NID1: variants seen among roughly 807,000 people sequenced by gnomAD.
The protein encoded by NID1 is nidogen-1.
Under a neutral mutation model 130.6 loss-of-function variants are expected in NID1, and 76 were observed. The ratio of observed to expected loss-of-function variants is 0.58; its 90% CI spans 0.48 to 0.70. NID1 has a LOEUF of 0.70. Among genes scored for constraint, NID1 ranks in the 30% least tolerant of loss-of-function variants. The pLI is 0.00. For missense variants in NID1, 1,517 were observed against 1,664.8 expected (o/e 0.91, Z 1.54); for synonymous variants, 665 against 675.1 (o/e 0.98, Z 0.23).
intron 13 of NID1, among the ~76,000 whole-genome samples, chr1:235,992,249 T>C (rs918798046): frequency 3.9e-5 from 6 of 152,300 alleles, no homozygotes; most frequent in African/African-American, 1.4e-4. Flanking sequence ...TCTTGCCTAT[T>C]ACACCCAATC....
intron 15 of NID1, among the ~76,000 whole-genome samples, chr1:235,982,436 T>G (rs970667714): frequency 6.6e-6 from 1 of 152,150 alleles, no homozygotes; most frequent in African/African-American, 2.4e-5. Context: ...AGTTCTATCT[T>G]GTTCATTAGC....
chr1:236,029,693 A>G lies in NID1; in HGVS notation c.1595T>C (p.Val532Ala), dbSNP rs762462787. Reference protein sequence around the residue: ...VTFVGHPGNLVIKQRFSGIDE... With the variant: ...VTFVGHPGNLAIKQRFSGIDE... Reference sequence around the variant, plus strand: ...GATGCCGCTGAACCGCTGCTTAATGACCAGATTGCCCGGGTGCCCCACGAA... The same window carrying G: ...GATGCCGCTGAACCGCTGCTTAATGGCCAGATTGCCCGGGTGCCCCACGAA... The change falls in exon 7 of 20, where the codon GTC becomes GCC. Residue 532 changes from valine (V) to alanine (A), a missense_variant. Coordinates refer to ENST00000264187, the MANE Select transcript of NID1 (RefSeq NM_002508.3). The G allele has an allele frequency of 1.2e-6, 2 of 1,614,076 alleles. No individual in the cohort carries two copies. The highest frequency in any genetic ancestry group is 2.2e-5 in the South Asian group (2 of 91,074).
At chr1:236,026,739 ATTTTTT>A (rs768617564) in intron 7 of NID1, among the ~76,000 whole-genome samples, 1 of 137,200 alleles carries the variant, frequency 7.3e-6, no homozygotes, top group African/African-American at 2.7e-5. Context: ...TTTCTTTTTC[ATTTTTT>A]TTTTTTTTTT....
chr1:236,000,565 T>C (rs1658048440), intron 12 of NID1, among the ~76,000 whole-genome samples: 1 of 152,098 alleles, frequency 6.6e-6, no homozygotes, highest in Non-Finnish European at 1.5e-5. Context: ...CTCCCTAAGA[T>C]CTATAAAACC....
intron 11 of NID1, 88 bp downstream of exon 11, chr1:236,013,323 G>A (rs1658486618): frequency 7.2e-7 from 1 of 1,392,052 alleles, no homozygotes; most frequent in Non-Finnish European, 1.0e-6. Flanking sequence ...CTTCTATTTG[G>A]GAGTGAGTTG....
chr1:236,003,726 C>T (rs1658154163), intron 12 of NID1, among the ~76,000 whole-genome samples: 1 of 152,142 alleles, frequency 6.6e-6, no homozygotes. Flanking sequence ...AAAAATTAGC[C>T]TGGCTTGATG....
At chr1:236,023,512 A>G (rs1425298193) in intron 9 of NID1, among the ~76,000 whole-genome samples, 1 of 152,230 alleles carries the variant, frequency 6.6e-6, no homozygotes, top group Non-Finnish European at 1.5e-5. Context: ...TGCAAGATGG[A>G]GAGTTCTGGA....
Position 235,990,779 on chromosome 1 carries a change from C to G in NID1, c.2928+107G>C, listed in dbSNP as rs1348453948. The G allele has an allele frequency of 2.4e-6, 3 of 1,247,332 alleles. No individual in the cohort carries two copies. In the African/African-American group the frequency reaches 4.5e-5, roughly 19 times the overall value. 77.3% of individuals were successfully genotyped at this position (1,247,332 alleles called of 1,614,324 possible). ...CCCAGGACTACATGGAATGAGCACC[C>G]ATGGTTCCAGGGGTTGAGCCTGGGG... On this transcript the variant is annotated intron_variant, in intron 14 of 19. Coordinates refer to ENST00000264187, the MANE Select transcript of NID1 (RefSeq NM_002508.3).
intron 12 of NID1, among the ~76,000 whole-genome samples, chr1:236,000,770 G>T (rs562617519): frequency 6.6e-6 from 1 of 152,312 alleles, no homozygotes; most frequent in East Asian, 1.9e-4. Flanking sequence ...TCCCTTGCTT[G>T]ATTAAATTGG....
intron 1 of NID1, among the ~76,000 whole-genome samples, chr1:236,056,693 T>C (rs1659907870): frequency 6.6e-6 from 1 of 152,148 alleles, no homozygotes; most frequent in African/African-American, 2.4e-5. Context: ...CCACCCTTCA[T>C]GGTCTTTGAA....
intron 16 of NID1, among the ~76,000 whole-genome samples, 178 bp from the exon 17 acceptor site, chr1:235,980,831 G>T (rs956008837): frequency 6.6e-6 from 1 of 152,196 alleles, no homozygotes; most frequent in Admixed American, 6.5e-5. Flanking sequence ...ACTTGAATTT[G>T]GTTCCTCATT....
intron 4 of NID1, among the ~76,000 whole-genome samples, chr1:236,040,248 G>A (rs113268615): frequency 1.3e-4 from 20 of 152,286 alleles, no homozygotes; most frequent in African/African-American, 3.9e-4. Context: ...GCTGAGCAAT[G>A]TAAGCATCAC....
At chr1:236,009,337 G>A (rs905943715) in intron 12 of NID1, among the ~76,000 whole-genome samples, 10 of 152,198 alleles carry the variant, frequency 6.6e-5, no homozygotes, top group Non-Finnish European at 1.5e-4. Context: ...TTCTCAGCAC[G>A]TCGATCTCAG....
At chr1:236,037,805 A>G (rs143522768) in intron 5 of NID1, among the ~76,000 whole-genome samples, 7 of 152,320 alleles carry the variant, frequency 4.6e-5, no homozygotes, top group African/African-American at 9.6e-5. Context: ...TTTTAACACT[A>G]CGGCCTTTGT....
At chr1:236,010,300 CTTTTTTT>C (rs551127579) in intron 12 of NID1, among the ~76,000 whole-genome samples, 1 of 107,192 alleles carries the variant, frequency 9.3e-6, no homozygotes, top group Non-Finnish European at 1.9e-5. Context: ...GCTATTTATA[CTTTTTTT>C]TTTTTTTTTT....
At chr1:236,064,601 A>G (rs1271598868) in intron 1 of NID1, 2 of 482,138 alleles carry the variant, frequency 4.1e-6, no homozygotes, top group South Asian at 2.1e-5. Context: ...CGCGGGGTCC[A>G]TGGGTGCCGG....
At chr1:236,029,491 C>G in intron 7 of NID1, 59 bp downstream of exon 7, 1 of 1,511,022 alleles carries the variant, frequency 6.6e-7, no homozygotes, top group South Asian at 1.2e-5. Flanking sequence ...CGTGGTGGGT[C>G]AAGAGCACGA....
chr1:236,003,990 G>A (rs557276868), intron 12 of NID1, among the ~76,000 whole-genome samples: 10 of 140,868 alleles, frequency 7.1e-5, no homozygotes, highest in East Asian at 4.2e-4. Context: ...CAGAGATTGC[G>A]CCACTGCACT....
At chr1:235,991,604 A>T (rs879794170) in intron 13 of NID1, among the ~76,000 whole-genome samples, 5 of 152,160 alleles carry the variant, frequency 3.3e-5, no homozygotes, top group Non-Finnish European at 5.9e-5. Flanking sequence ...AAGTGCTGGG[A>T]TTACAGGTGT....
Sources: allele counts gnomAD v4.1 joint callset (sites outside exome capture counted in the v4.1 genomes callset), GRCh38; gene constraint gnomAD v4.1.1; transcripts MANE v1.5; gene names NCBI Gene and HGNC (gene_info 2026-07-23, HGNC 2026-07-21).